The following A2M variants were observed in gnomAD, a reference collection of about 807,000 sequenced individuals.
A2M encodes the protein alpha-2-macroglobulin.
A2M carries 128 observed loss-of-function variants against 183.9 expected under a neutral mutation model. The observed-to-expected ratio is 0.70, with a 90% confidence interval of 0.60 to 0.81. A2M has a LOEUF of 0.81. A2M is among the 30% of genes least tolerant of loss of function. A2M has a pLI of 0.00. For missense variants in A2M, 1,495 were observed against 1,787.6 expected (o/e 0.84, Z 2.95); for synonymous variants, 592 against 670.8 (o/e 0.88, Z 1.81).
intron 6 of A2M, 49 bp downstream of exon 6, chr12:9,109,818 G>GT: frequency 6.5e-7 from 1 of 1,529,992 alleles, no homozygotes; most frequent in Non-Finnish European, 8.8e-7. Flanking sequence ...GGACCTAAGA[G>GT]TTTAAATATG....
intron 4 of A2M, chr12:9,111,597 A>C (rs1938732845): frequency 3.3e-5 from 15 of 452,316 alleles, no homozygotes; most frequent in South Asian, 2.4e-4. Flanking sequence ...CTAGGCCATA[A>C]TCTTTTGTCT....
chr12:9,110,682 A>G (rs962226523), intron 4 of A2M, among the ~76,000 whole-genome samples: 19 of 152,114 alleles, frequency 1.2e-4, no homozygotes, highest in African/African-American at 4.3e-4. Flanking sequence ...CCATAAATAT[A>G]TATACCTGCT....
intron 11 of A2M, among the ~76,000 whole-genome samples, chr12:9,103,533 A>G (rs936472449): frequency 1.3e-5 from 2 of 152,176 alleles, no homozygotes; most frequent in African/African-American, 4.8e-5. Flanking sequence ...ATCTTGTAAA[A>G]CTAAACCTGA....
At chr12:9,077,250 T>C in intron 27 of A2M, 96 bp downstream of exon 27, 1 of 1,164,634 alleles carries the variant, frequency 8.6e-7, no homozygotes, top group East Asian at 2.6e-5. Flanking sequence ...AGAAAGCTGA[T>C]GCTTTGCTTT....
At chr12:9,088,253 C>CT (rs1380850783) in intron 22 of A2M, among the ~76,000 whole-genome samples, 1 of 127,458 alleles carries the variant, frequency 7.8e-6, no homozygotes, top group Non-Finnish European at 1.7e-5. Context: ...ATGTGATGTT[C>CT]TGTTTTTTTT....
intron 22 of A2M, among the ~76,000 whole-genome samples, chr12:9,084,389 G>T (rs1274252385): frequency 2.0e-5 from 3 of 152,084 alleles, no homozygotes; most frequent in Non-Finnish European, 4.4e-5. Context: ...AAAATAAATT[G>T]TCAATAAATA....
chr12:9,097,789 C>T (rs777537817), intron 15 of A2M, among the ~76,000 whole-genome samples: 3 of 152,062 alleles, frequency 2.0e-5, no homozygotes, highest in African/African-American at 4.8e-5. Context: ...CCCGCCACCA[C>T]GTCTGACTAA....
chr12:9,090,260 T>C, intron 20 of A2M, 96 bp downstream of exon 20: 1 of 1,570,150 alleles, frequency 6.4e-7, no homozygotes, highest in Non-Finnish European at 8.7e-7. Context: ...CAGCATCTAG[T>C]GGTCTTTTCC....
chr12:9,115,668 AG>A lies in A2M; in HGVS notation c.86+95del, dbSNP rs1302887936. The A allele has an allele frequency of 5.7e-6, 5 of 879,232 alleles. No individual in the cohort carries two copies. In the African/African-American group the frequency reaches 6.7e-5, roughly 12 times the overall value. The allele number at this position is 879,232 out of a possible 1,614,324, so 54.5% of individuals were successfully genotyped here. A position where few individuals can be genotyped will look rare whatever the true frequency, so the allele number is the denominator to read the frequency against. On this transcript the variant is annotated intron_variant, in intron 1 of 35. Coordinates refer to ENST00000318602, the MANE Select transcript of A2M (RefSeq NM_000014.6). ...GGAATCTTAGAGATAAGAAGATGACAGTATCATAGGAAAGAAAAAGGAATGA... is the reference window on the plus strand; with the variant it reads ...GGAATCTTAGAGATAAGAAGATGACATATCATAGGAAAGAAAAAGGAATGA...
chr12:9,073,811 GA>G (rs1310711974), intron 29 of A2M, among the ~76,000 whole-genome samples: 2 of 152,078 alleles, frequency 1.3e-5, no homozygotes, highest in Non-Finnish European at 2.9e-5. Flanking sequence ...TAGGGGGCTG[GA>G]CGCAGTGGCT....
chr12:9,077,939 T>C lies in A2M; in HGVS notation c.3120-82A>G, dbSNP rs145142911. 117 of 1,549,636 alleles carry C rather than the reference T, an allele frequency of 7.6e-5. No individual in the cohort carries two copies. In the African/African-American group the frequency reaches 8.0e-4, roughly 11 times the overall value. ...CTTCACAGCAACAGGCTTCATATGATGTGAGTTAGCTAACAAAATTCTTGT... is the reference window on the plus strand; with the variant it reads ...CTTCACAGCAACAGGCTTCATATGACGTGAGTTAGCTAACAAAATTCTTGT... On this transcript the variant is annotated intron_variant, in intron 25 of 35. Coordinates refer to ENST00000318602, the MANE Select transcript of A2M (RefSeq NM_000014.6).
chr12:9,070,914 G>T (rs953106733), intron 31 of A2M, among the ~76,000 whole-genome samples: 3 of 151,670 alleles, frequency 2.0e-5, no homozygotes, highest in Non-Finnish European at 4.4e-5. Context: ...TCCGCCTCCT[G>T]GGTTCAAGTG....
intron 15 of A2M, among the ~76,000 whole-genome samples, chr12:9,097,483 A>G (rs1949416536): frequency 6.6e-6 from 1 of 152,160 alleles, no homozygotes; most frequent in South Asian, 2.1e-4. Flanking sequence ...TATTTCTTCT[A>G]TTAGCTCCAT....
chr12:9,076,971 G>A (rs1325756026), intron 27 of A2M, 35 bp from the exon 28 acceptor site: 1 of 1,517,324 alleles, frequency 6.6e-7, no homozygotes, highest in Non-Finnish European at 8.8e-7. Flanking sequence ...ACTAAGCTAT[G>A]TAAACAGGCA....
chr12:9,084,903 CTT>C (rs1422741347), intron 22 of A2M, among the ~76,000 whole-genome samples: 2 of 151,944 alleles, frequency 1.3e-5, no homozygotes, highest in Non-Finnish European at 2.9e-5. Context: ...ACAAAACAGA[CTT>C]AAAGTCAAAA....
chr12:9,068,861 T>A lies in A2M; in HGVS notation c.4264-19A>T, dbSNP rs1451614571. ...TTGACACCTGGAAAGCAAAAGTCAA[T>A]TAAATGACCTTTCAGGAAGCTTTCT... On this transcript the variant is annotated intron_variant, in intron 33 of 35. Transcript: ENST00000318602. The A allele has an allele frequency of 2.0e-6, 3 of 1,537,078 alleles. No homozygotes were observed. The African/African-American group carries it at 4.1e-5, about 21-fold the overall frequency.
Position 9,106,563 on chromosome 12 carries a change from C to T in A2M, c.922G>A (p.Val308Ile), listed in dbSNP as rs769092380. Residue 308 changes from valine to isoleucine, a missense_variant, in exon 9 of 36, where the codon GTC becomes ATC. Val to Ile is a conservative substitution (Grantham distance 29). Transcript: ENST00000318602. Reference protein sequence around the residue: ...GCFYQQVKTKVFQLKRKEYEM... With the variant: ...GCFYQQVKTKIFQLKRKEYEM... ...TACTCCTTCCTCTTCAGCTGGAAGA[C>T]CTTGGTTTTTACTTGCTGATAGAAG... The T allele has an allele frequency of 1.3e-6, 2 of 1,593,626 alleles. No homozygotes were observed. Among genetic ancestry groups the T allele is most frequent in the African/African-American group, 1.3e-5 (1 of 74,758 alleles).
At chr12:9,093,093 C>A (rs1350151394) in intron 18 of A2M, among the ~76,000 whole-genome samples, 1 of 152,048 alleles carries the variant, frequency 6.6e-6, no homozygotes, top group African/African-American at 2.4e-5. Context: ...GTTGGGGTTG[C>A]AGGGATGGGA....
chr12:9,095,909 G>A (rs989819927), intron 15 of A2M, among the ~76,000 whole-genome samples: 4 of 151,326 alleles, frequency 2.6e-5, no homozygotes, highest in East Asian at 3.9e-4. Context: ...ACAGGCGCCC[G>A]CCACCGCGCC....
Sources: allele counts gnomAD v4.1 joint callset (sites outside exome capture counted in the v4.1 genomes callset), GRCh38; gene constraint gnomAD v4.1.1; transcripts MANE v1.5; gene names NCBI Gene and HGNC (gene_info 2026-07-23, HGNC 2026-07-21).